The following CSMD1 variants were observed in gnomAD, a reference collection of about 807,000 sequenced individuals.
CSMD1 encodes CUB and Sushi multiple domains 1, also known as CUB and sushi domain-containing protein 1.
A neutral mutation model predicts 417.5 loss-of-function variants in CSMD1; 213 were observed. The ratio of observed to expected loss-of-function variants is 0.51; its 90% CI spans 0.46 to 0.57. The LOEUF is 0.57. CSMD1 is among the 20% of genes least tolerant of loss of function. CSMD1 has a pLI of 0.00. For missense variants in CSMD1, 6,923 were observed against 4,529.7 expected, an observed-to-expected ratio of 1.53 and a Z score of -15.17; for synonymous variants, 2,862 against 1,736.8, an observed-to-expected ratio of 1.65 and a Z score of -16.11.
chr8:4,590,592 A>C (rs1380435157), intron 2 of CSMD1, among the ~76,000 whole-genome samples: 4 of 152,238 alleles, frequency 2.6e-5, no homozygotes, highest in East Asian at 1.9e-4. Flanking sequence ...GAAATATACT[A>C]TTTAAAATAA....
intron 3 of CSMD1, among the ~76,000 whole-genome samples, chr8:4,355,058 C>T (rs1033141621): frequency 2.6e-5 from 4 of 151,768 alleles, no homozygotes; most frequent in South Asian, 2.1e-4. Flanking sequence ...GTCAGGAGAT[C>T]GAGACCATCC....
At chr8:4,363,955 A>G (rs1312789072) in intron 3 of CSMD1, among the ~76,000 whole-genome samples, 2 of 152,226 alleles carry the variant, frequency 1.3e-5, no homozygotes, top group Middle Eastern at 3.2e-3. Flanking sequence ...CAAAAAAGAA[A>G]GAATGAGTAA....
chr8:3,000,957 C>T (rs1269307222), intron 52 of CSMD1, among the ~76,000 whole-genome samples: 3 of 151,798 alleles, frequency 2.0e-5, no homozygotes, highest in Non-Finnish European at 2.9e-5. Flanking sequence ...GACCCTCTGA[C>T]ATTATTCCAC....
chr8:4,318,219 T>C (rs1435397038), intron 3 of CSMD1, among the ~76,000 whole-genome samples: 2 of 152,134 alleles, frequency 1.3e-5, no homozygotes, highest in Non-Finnish European at 2.9e-5. Flanking sequence ...TTACAACTAT[T>C]AGAACTTTTT....
intron 26 of CSMD1, among the ~76,000 whole-genome samples, chr8:3,277,311 C>A (rs2897415): frequency 0.64 from 96,743 of 151,848 alleles, 30,937 homozygotes; most frequent in Admixed American, 0.65. Context: ...GCGTTGCCCA[C>A]GTTGCTGCGG....
chr8:4,709,859 C>T (rs557760950), intron 1 of CSMD1, among the ~76,000 whole-genome samples: 11 of 152,106 alleles, frequency 7.2e-5, no homozygotes, highest in Non-Finnish European at 1.2e-4. Context: ...ATGAAATCAA[C>T]GGAAAAGTCT....
rs368284324 is a variant in CSMD1, at chr8:3,162,180, G to A, written c.5823C>T (p.Cys1941=). ...YMVNDVLSFQ[C]EPGYTLQGRS... The stretch of plus-strand genomic sequence containing the variant: ...ATACCTGCAGGGTGTACCCGGGCTC[G>A]CACTGGAAGGAGAGCACGTCGTTCA... Residue 1941 remains cysteine, a synonymous_variant, in exon 38 of 70, where the codon TGC becomes TGT. Coordinates refer to ENST00000635120, the MANE Select transcript of CSMD1 (RefSeq NM_033225.6). 1.7e-4 allele frequency: 280 copies of A among 1,606,536 alleles called. 3 individuals are homozygous for A. Among genetic ancestry groups the A allele is most frequent in the South Asian group, 1.1e-3 (98 of 89,292 alleles).
chr8:3,223,759 G>T lies in CSMD1; in HGVS notation c.4454C>A (p.Pro1485Gln), dbSNP rs571113460. ...KECDWRVKVN[P>Q]DFVIALIFKS... ...GAATATCAAGGCGATGACAAAGTCC[G>T]GGTTCACTTTTACTCTCCAGTCACA... Residue 1485 changes from proline (P) to glutamine (Q), a missense_variant, in exon 28 of 70, where the codon CCG (proline) becomes CAG (glutamine). Pro to Gln is a moderately conservative substitution (Grantham distance 76). Coordinates refer to ENST00000635120, the MANE Select transcript of CSMD1 (RefSeq NM_033225.6). The T allele has an allele frequency of 1.2e-6, 2 of 1,613,890 alleles. No homozygotes were observed. Among genetic ancestry groups the T allele is most frequent in the Non-Finnish European group, 1.7e-6 (2 of 1,179,828 alleles).
At chr8:4,570,737 C>A (rs1044478705) in intron 2 of CSMD1, among the ~76,000 whole-genome samples, 1 of 152,126 alleles carries the variant, frequency 6.6e-6, no homozygotes. Flanking sequence ...CCTCTTTGCA[C>A]CTCTTGTAGA....
At chr8:4,075,372 G>T (rs970776148) in intron 3 of CSMD1, among the ~76,000 whole-genome samples, 1 of 151,606 alleles carries the variant, frequency 6.6e-6, no homozygotes, top group Non-Finnish European at 1.5e-5. Context: ...ATTTTTTTTT[G>T]ATGCTAAAGA....
In CSMD1 at chr8:4,300,233, A is replaced by T. The variant is rs540146545; in HGVS notation, c.415+119720T>A. On this transcript the variant is annotated intron_variant, in intron 3 of 69. Transcript: ENST00000635120. ...TAATGTTCAGTTTTGATAATGTATAAAGTCGTTTGTAAACACAGAGCTTTC... is the reference window on the plus strand; with the variant it reads ...TAATGTTCAGTTTTGATAATGTATATAGTCGTTTGTAAACACAGAGCTTTC... Among the ~76,000 whole-genome samples the T allele has an allele frequency of 6.6e-5, 10 of 152,252 alleles. No homozygotes were observed. In the East Asian group the frequency reaches 1.9e-3, roughly 29 times the overall value.
At chr8:4,260,024 AC>A (rs1464417066) in intron 3 of CSMD1, among the ~76,000 whole-genome samples, 3 of 19,264 alleles carry the variant, frequency 1.6e-4, no homozygotes, top group Non-Finnish European at 9.8e-4. Flanking sequence ...TCTTGTGCAC[AC>A]TTTTTTTTTT....
intron 1 of CSMD1, among the ~76,000 whole-genome samples, chr8:4,889,192 C>T (rs941410713): frequency 6.6e-6 from 1 of 152,030 alleles, no homozygotes; most frequent in Non-Finnish European, 1.5e-5. Context: ...GACAGACATG[C>T]CCCAACCAAG....
intron 12 of CSMD1, among the ~76,000 whole-genome samples, chr8:3,453,908 A>T (rs7005967): frequency 6.6e-6 from 1 of 152,012 alleles, no homozygotes; most frequent in African/African-American, 2.4e-5. Flanking sequence ...TGTTGACAGT[A>T]GGGTGTTAAA....
intron 37 of CSMD1, among the ~76,000 whole-genome samples, chr8:3,168,300 G>C (rs138778274): frequency 2.6e-5 from 4 of 152,240 alleles, no homozygotes; most frequent in African/African-American, 7.2e-5. Flanking sequence ...TGGCTGTAGT[G>C]TTTATTGTAA....
chr8:3,063,501 A>G (rs550491618), intron 49 of CSMD1, among the ~76,000 whole-genome samples: 5 of 152,332 alleles, frequency 3.3e-5, no homozygotes, highest in South Asian at 2.1e-4. Context: ...TTCTGGCTAA[A>G]TACCCAAAAG....
chr8:3,740,021 T>C (rs1235822577), intron 6 of CSMD1, among the ~76,000 whole-genome samples: 5 of 152,184 alleles, frequency 3.3e-5, no homozygotes, highest in African/African-American at 7.2e-5. Context: ...GTCATTGAAA[T>C]ACCAATAAAA....
chr8:3,901,548 C>T (rs1260291810), intron 5 of CSMD1, among the ~76,000 whole-genome samples: 3 of 152,202 alleles, frequency 2.0e-5, no homozygotes, highest in East Asian at 1.9e-4. Flanking sequence ...CTGCCGATCA[C>T]GTTTGCTCAT....
At chr8:4,442,910 TATAAAC>T (rs1318227918) in intron 2 of CSMD1, among the ~76,000 whole-genome samples, 2 of 152,204 alleles carry the variant, frequency 1.3e-5, no homozygotes, top group African/African-American at 2.4e-5. Context: ...TTTATGTTTA[TATAAAC>T]ATAAATGATA....
Sources: gnomAD v4.1 joint callset for allele counts (sites outside exome capture counted in the v4.1 genomes callset) on GRCh38, gnomAD v4.1.1 for gene constraint, MANE v1.5 for transcripts, NCBI Gene and HGNC (gene_info 2026-07-23, HGNC 2026-07-21) for gene names.